The following UNC5C variants were observed in gnomAD, a reference collection of about 807,000 sequenced individuals.
UNC5C encodes the protein unc-5 netrin receptor C.
Under a neutral mutation model 99.8 loss-of-function variants are expected in UNC5C, and 47 were observed. The observed-to-expected ratio is 0.47, with a 90% CI of 0.37 to 0.60. The LOEUF (loss-of-function observed/expected upper bound fraction) is 0.60. UNC5C is among the 20% of genes least tolerant of loss of function. The probability of loss-of-function intolerance (pLI) is 0.00; values close to 1 mark genes in which losing one functional copy is unlikely to be tolerated. For synonymous variants in UNC5C, 487 were observed against 452.2 expected, an observed-to-expected ratio of 1.08 and a Z score of -0.98; for missense variants, 1,062 against 1,165.9, an observed-to-expected ratio of 0.91 and a Z score of 1.30.
intron 1 of UNC5C, among the ~76,000 whole-genome samples, chr4:95,445,523 A>C (rs1406179447): frequency 6.6e-6 from 1 of 152,172 alleles, no homozygotes; most frequent in Non-Finnish European, 1.5e-5. Context: ...TAAAGTAAAC[A>C]AATTCAGTAA....
chr4:95,433,213 G>A (rs1746681127), intron 1 of UNC5C, among the ~76,000 whole-genome samples: 1 of 152,042 alleles, frequency 6.6e-6, no homozygotes, highest in South Asian at 2.1e-4. Flanking sequence ...GATAGTTTAA[G>A]TAATGTAAAA....
At chr4:95,249,601 C>A (rs768093194) in intron 5 of UNC5C, among the ~76,000 whole-genome samples, 1 of 152,168 alleles carries the variant, frequency 6.6e-6, no homozygotes, top group African/African-American at 2.4e-5. Flanking sequence ...TGAATCTACT[C>A]ATGAAATGAC....
intron 1 of UNC5C, among the ~76,000 whole-genome samples, chr4:95,469,809 T>C (rs577333259): frequency 2.0e-3 from 297 of 152,218 alleles, no homozygotes; most frequent in South Asian, 4.8e-3. Flanking sequence ...AAAATAAACA[T>C]GTGGGAACCC....
intron 7 of UNC5C, among the ~76,000 whole-genome samples, chr4:95,229,545 G>A (rs1738824087): frequency 6.6e-6 from 1 of 152,080 alleles, no homozygotes; most frequent in Admixed American, 6.6e-5. Context: ...CATTTGGGTT[G>A]ATTCCAAGTC....
At chr4:95,208,903 A>C (rs976920750) in intron 10 of UNC5C, among the ~76,000 whole-genome samples, 2 of 152,150 alleles carry the variant, frequency 1.3e-5, no homozygotes, top group Non-Finnish European at 2.9e-5. Flanking sequence ...ATCTATGGGT[A>C]CCCTCGTTGA....
At chr4:95,309,042 G>C (rs963619464) in intron 2 of UNC5C, among the ~76,000 whole-genome samples, 1 of 152,066 alleles carries the variant, frequency 6.6e-6, no homozygotes, top group African/African-American at 2.4e-5. Flanking sequence ...CTACTATAAA[G>C]TTACAGTATC....
intron 2 of UNC5C, among the ~76,000 whole-genome samples, chr4:95,315,700 T>C (rs1218887369): frequency 6.6e-6 from 1 of 152,142 alleles, no homozygotes. Flanking sequence ...TCATAGTAAA[T>C]AATATTTTGC....
chr4:95,378,283 A>G (rs551488395), intron 1 of UNC5C, among the ~76,000 whole-genome samples: 88 of 152,188 alleles, frequency 5.8e-4, no homozygotes, highest in Non-Finnish European at 6.3e-4. Context: ...TCAAAGTAGG[A>G]ATTAAAAATC....
At chr4:95,290,351 T>A (rs1741398081) in intron 3 of UNC5C, among the ~76,000 whole-genome samples, 1 of 151,862 alleles carries the variant, frequency 6.6e-6, no homozygotes, top group African/African-American at 2.4e-5. Context: ...GTGTTTTTTT[T>A]TTTTTAACTT....
chr4:95,332,146 C>T (rs547880623), intron 2 of UNC5C, among the ~76,000 whole-genome samples: 1 of 152,182 alleles, frequency 6.6e-6, no homozygotes, highest in South Asian at 2.1e-4. Flanking sequence ...CCATACTGCC[C>T]AAGGTAATTT....
chr4:95,334,387 A>G (rs1290975710), intron 2 of UNC5C, among the ~76,000 whole-genome samples: 1 of 151,996 alleles, frequency 6.6e-6, no homozygotes, highest in Non-Finnish European at 1.5e-5. Context: ...TAAAAAAGAT[A>G]TTTAAATGCT....
rs952893880 is a variant in UNC5C, at chr4:95,548,721, C to T, written c.124+13G>A. On this transcript the variant is annotated intron_variant, in intron 1 of 15. Coordinates refer to ENST00000453304, the MANE Select transcript of UNC5C (RefSeq NM_003728.4). ...TAAGGGAGGTGGCCGCGGAGCTTGG[C>T]GGACCCCCTTACCTTGGGCGGCGGA... The T allele has an allele frequency of 1.9e-6, 3 of 1,611,122 alleles. No individual in the cohort carries two copies. Among genetic ancestry groups the T allele is most frequent in the Non-Finnish European group, 2.5e-6 (3 of 1,178,634 alleles).
At chr4:95,390,462 C>G (rs1435058914) in intron 1 of UNC5C, among the ~76,000 whole-genome samples, 3 of 151,178 alleles carry the variant, frequency 2.0e-5, no homozygotes, top group Admixed American at 6.6e-5. Flanking sequence ...TACATTCCAA[C>G]AGTAAATATA....
intron 1 of UNC5C, among the ~76,000 whole-genome samples, chr4:95,344,159 C>CA (rs1378639001): frequency 6.6e-6 from 1 of 151,720 alleles, no homozygotes; most frequent in Non-Finnish European, 1.5e-5. Flanking sequence ...ATCAAACTCC[C>CA]AAAGACTCAA....
chr4:95,335,498 G>C lies in UNC5C; in HGVS notation c.258C>G (p.Ser86Arg). 6.2e-7 allele frequency: 1 copy of C among 1,612,384 alleles called. No homozygotes were observed. Among genetic ancestry groups the C allele is most frequent in the Non-Finnish European group, 8.5e-7 (1 of 1,178,922 alleles). ...NKPVNLYCKA[S>R]PATQIYFKCN... ...ACTTGAAATAGATCTGGGTGGCAGG[G>C]CTTGCTTTACAGTACAGGTTCACGG... The change falls in exon 2 of 16, where the codon AGC becomes AGG. Residue 86 changes from serine to arginine, a missense_variant. Around this residue, in one of 3 missense-constraint regions of UNC5C, gnomAD observed 249 missense variants for 295.1 expected, o/e 0.84. Coordinates refer to ENST00000453304, the MANE Select transcript of UNC5C (RefSeq NM_003728.4).
intron 1 of UNC5C, among the ~76,000 whole-genome samples, chr4:95,538,569 C>A: frequency 6.6e-6 from 1 of 152,088 alleles, no homozygotes; most frequent in East Asian, 1.9e-4. Context: ...CTGTTCTTAG[C>A]AGTGCACTAC....
chr4:95,248,350 T>C (rs1739575731), intron 5 of UNC5C: 2 of 306,908 alleles, frequency 6.5e-6, no homozygotes, highest in Non-Finnish European at 1.3e-5. Flanking sequence ...GTTGAATGCT[T>C]ATATATTGAA....
chr4:95,458,039 A>G (rs1747493949), intron 1 of UNC5C, among the ~76,000 whole-genome samples: 1 of 152,264 alleles, frequency 6.6e-6, no homozygotes, highest in East Asian at 1.9e-4. Context: ...ACAATTTCCA[A>G]TCTAAGATCA....
chr4:95,242,006 T>C (rs1739342978), intron 7 of UNC5C, among the ~76,000 whole-genome samples: 2 of 152,194 alleles, frequency 1.3e-5, no homozygotes, highest in African/African-American at 4.8e-5. Flanking sequence ...CCTACAGAAA[T>C]GTTTGTCATC....
Sources: allele counts gnomAD v4.1 joint callset (sites outside exome capture counted in the v4.1 genomes callset), GRCh38; gene constraint gnomAD v4.1.1; regional missense constraint gnomAD v4.1.1; transcripts MANE v1.5; gene names NCBI Gene and HGNC (gene_info 2026-07-23, HGNC 2026-07-21).